Variants in CADPS observed in about 807,000 individuals in gnomAD.
CADPS encodes the protein calcium dependent secretion activator, also known as calcium-dependent secretion activator 1.
CADPS carries 57 observed loss-of-function variants against 167.3 expected under a neutral mutation model. The observed-to-expected ratio is 0.34, with a 90% CI of 0.28 to 0.42. The LOEUF (loss-of-function observed/expected upper bound fraction) is 0.42. Ranked by LOEUF, CADPS falls within the 20% of genes least tolerant of loss-of-function variation. The pLI, the probability that CADPS is intolerant of heterozygous loss-of-function variation, is 1.00. For missense variants in CADPS, 1,414 were observed against 1,738.1 expected (o/e 0.81, Z 3.32); for synonymous variants, 676 against 635.3 (o/e 1.06, Z -0.96).
At chr3:62,579,768 T>C (rs1206721095) in intron 8 of CADPS, among the ~76,000 whole-genome samples, 1 of 151,956 alleles carries the variant, frequency 6.6e-6, no homozygotes, top group Non-Finnish European at 1.5e-5. Context: ...TGGGGAATCA[T>C]TGGAGGTTTT....
chr3:62,532,181 T>C (rs1187156613), intron 13 of CADPS, among the ~76,000 whole-genome samples: 3 of 152,222 alleles, frequency 2.0e-5, no homozygotes, highest in Non-Finnish European at 4.4e-5. Context: ...CTCCTACACA[T>C]GCTTTAGTTC....
chr3:62,481,968 A>C, intron 21 of CADPS, 99 bp from the exon 22 acceptor site: 1 of 1,236,210 alleles, frequency 8.1e-7, no homozygotes, highest in Non-Finnish European at 1.2e-6. Flanking sequence ...CCAAGTCCAC[A>C]GCAAGACAAC....
Position 62,412,702 on chromosome 3 carries a change from C to G in CADPS, c.3778-9517G>C, listed in dbSNP as rs1333694860. ...TCCCGACTTAATGCATTTCAGCCTTCTAACCCAAGTCAGTCCTGTTGCATG... is the reference window on the plus strand; with the variant it reads ...TCCCGACTTAATGCATTTCAGCCTTGTAACCCAAGTCAGTCCTGTTGCATG... On this transcript the variant is annotated intron_variant, in intron 28 of 29. Coordinates refer to ENST00000383710, the MANE Select transcript of CADPS (RefSeq NM_003716.4). This position sits in a 1 kb window ranked among gnomAD's most constrained non-coding sequence, Gnocchi z 4.1. Among the ~76,000 whole-genome samples the G allele has an allele frequency of 6.6e-6, 1 of 152,168 alleles. No individual in the cohort carries two copies.
chr3:62,770,114 C>T (rs942447159), intron 1 of CADPS, among the ~76,000 whole-genome samples: 1 of 152,126 alleles, frequency 6.6e-6, no homozygotes, highest in Admixed American at 6.5e-5. Context: ...CAGCTGTGCC[C>T]CGACTTTTCT....
At chr3:62,754,564 C>T (rs539795353) in intron 2 of CADPS, among the ~76,000 whole-genome samples, 11 of 152,268 alleles carry the variant, frequency 7.2e-5, no homozygotes, top group Admixed American at 7.2e-4. Context: ...TCACGATGCA[C>T]TGCAGCCTCA....
chr3:62,683,348 C>T (rs915407385), intron 3 of CADPS, among the ~76,000 whole-genome samples: 22 of 152,008 alleles, frequency 1.4e-4, no homozygotes, highest in African/African-American at 5.3e-4. Context: ...GGTGGCCAAA[C>T]CGACTAAATA....
chr3:62,720,683 A>G (rs2075607686), intron 3 of CADPS, among the ~76,000 whole-genome samples: 1 of 152,106 alleles, frequency 6.6e-6, no homozygotes, highest in South Asian at 2.1e-4. Context: ...TGGAGAAATT[A>G]GGCTCAAGGA....
rs1175605482 is a variant in CADPS at position 62,804,262 on chromosome 3, C to G, written c.442-38278G>C. Among the ~76,000 whole-genome samples the G allele has an allele frequency of 2.0e-5, 3 of 152,028 alleles. No homozygotes were observed. The East Asian group carries it at 5.8e-4, about 29-fold the overall frequency. ...ACAGATAAATGAAGAAACTGGGGAG[C>G]TGGGAAAACCACTCCCCCTTTGAGG... On this transcript the variant is annotated intron_variant, in intron 1 of 29. Coordinates refer to ENST00000383710, the MANE Select transcript of CADPS (RefSeq NM_003716.4).
chr3:62,629,701 G>A (rs2064882240), intron 6 of CADPS, among the ~76,000 whole-genome samples: 1 of 151,896 alleles, frequency 6.6e-6, no homozygotes, highest in Non-Finnish European at 1.5e-5. Context: ...CCTCCATGAT[G>A]TGGTCCTTGC....
chr3:62,462,770 T>A (rs763760149), intron 26 of CADPS, among the ~76,000 whole-genome samples: 5 of 152,174 alleles, frequency 3.3e-5, no homozygotes, highest in Non-Finnish European at 5.9e-5. Context: ...CTCATCCTTT[T>A]TACTTCCACT....
In CADPS at chr3:62,627,160, G is replaced by A. The variant is rs1334814704; in HGVS notation, c.1325+18562C>T. ...TGTGTGTGTGTGTGTGTGTGTGTGT[G>A]TATCCTGAGTTAACAGAAGAGCAAA... On this transcript the variant is annotated intron_variant, in intron 6 of 29. Coordinates refer to ENST00000383710, the MANE Select transcript of CADPS (RefSeq NM_003716.4). Among the ~76,000 whole-genome samples the A allele has an allele frequency of 4.3e-5, 6 of 139,210 alleles. 1 individual carries two copies. Among genetic ancestry groups the A allele is most frequent in the South Asian group, 4.6e-4 (2 of 4,316 alleles). The allele number at this position is 139,210 out of a possible 152,430, so 91.3% of individuals were successfully genotyped here.
At chr3:62,715,511 G>A (rs1229572915) in intron 3 of CADPS, among the ~76,000 whole-genome samples, 1 of 150,480 alleles carries the variant, frequency 6.6e-6, no homozygotes, top group Non-Finnish European at 1.5e-5. Context: ...TGTTTTACAT[G>A]AACCTTAGAA....
chr3:62,620,896 G>T (rs1001793576), intron 6 of CADPS, among the ~76,000 whole-genome samples: 1 of 152,118 alleles, frequency 6.6e-6, no homozygotes, highest in Non-Finnish European at 1.5e-5. Flanking sequence ...GCCTCCCTTT[G>T]CCTCTGTCAG....
chr3:62,659,941 T>C (rs1401503791), intron 4 of CADPS, among the ~76,000 whole-genome samples: 2 of 152,212 alleles, frequency 1.3e-5, no homozygotes, highest in African/African-American at 2.4e-5. Flanking sequence ...CTGAAATCAT[T>C]TTCCGTGCTC....
chr3:62,439,887 CT>C (rs764079994), intron 27 of CADPS: 11 of 152,176 alleles, frequency 7.2e-5, no homozygotes, highest in Admixed American at 5.2e-4. Flanking sequence ...CGAAGTTTCA[CT>C]GTCTTCAAAG....
intron 26 of CADPS, among the ~76,000 whole-genome samples, chr3:62,447,407 C>T (rs2057380185): frequency 1.3e-5 from 2 of 152,150 alleles, no homozygotes; most frequent in South Asian, 4.1e-4. Flanking sequence ...TAGAACCTTA[C>T]ACTTGTTCTT....
At chr3:62,841,552 CA>C (rs2076649879) in intron 1 of CADPS, among the ~76,000 whole-genome samples, 1 of 151,950 alleles carries the variant, frequency 6.6e-6, no homozygotes, top group Non-Finnish European at 1.5e-5. Context: ...CTTGTCTCTA[CA>C]AAAAAATACA....
intron 3 of CADPS, among the ~76,000 whole-genome samples, chr3:62,681,597 A>G (rs1300319718): frequency 3.3e-5 from 5 of 152,100 alleles, no homozygotes; most frequent in Non-Finnish European, 7.4e-5. Flanking sequence ...CAGAAACTAT[A>G]GCTGGCTTCT....
chr3:62,509,305 AAAG>A (rs538621892), intron 17 of CADPS, among the ~76,000 whole-genome samples: 3 of 137,738 alleles, frequency 2.2e-5, no homozygotes, highest in Admixed American at 1.5e-4. Flanking sequence ...AAAAAAAAAA[AAAG>A]AAAGAAAGAA....
Sources: gnomAD v4.1 joint callset for allele counts (sites outside exome capture counted in the v4.1 genomes callset) on GRCh38, gnomAD v4.1.1 for gene constraint, Gnocchi (gnomAD v3.1) non-coding constraint, MANE v1.5 for transcripts, NCBI Gene and HGNC (gene_info 2026-07-23, HGNC 2026-07-21) for gene names.